The following SOX6 variants were observed in gnomAD, a reference collection of about 807,000 sequenced individuals.
SOX6 encodes the protein SRY-box transcription factor 6.
SOX6 carries 11 observed loss-of-function variants against 97.8 expected under a neutral mutation model. That is an observed-to-expected ratio of 0.11 (90% CI 0.07 to 0.19). SOX6 has a LOEUF of 0.19. SOX6 is among the 10% of genes least tolerant of loss of function. The pLI is 1.00. For missense variants in SOX6, 810 were observed against 1,039.5 expected, an observed-to-expected ratio of 0.78 and a Z score of 3.04; for synonymous variants, 360 against 371.4, an observed-to-expected ratio of 0.97 and a Z score of 0.35.
rs565314676 is a variant in SOX6 at position 16,377,031 on chromosome 11, A to T, written c.-4-35779T>A. 3.1e-4 allele frequency among the ~76,000 whole-genome samples: 45 copies of T among 144,322 alleles called. No individual in the cohort carries two copies. In the South Asian group the frequency reaches 6.0e-3, roughly 19 times the overall value. The allele number at this position is 144,322 out of a possible 152,430, so 94.7% of individuals were successfully genotyped here. A position where few individuals can be genotyped will look rare whatever the true frequency, so the allele number is the denominator to read the frequency against. On this transcript the variant is annotated intron_variant, in intron 1 of 15. Coordinates refer to the SOX6 transcript ENST00000396356. Reference sequence around the variant, plus strand: ...AACCTACAAAGGAATTCTTTTATTTAAAAAAAAAAAGTCAAGTTGTTAGTT... The same window carrying T: ...AACCTACAAAGGAATTCTTTTATTTTAAAAAAAAAAGTCAAGTTGTTAGTT...
At chr11:16,555,899 T>A (rs893916474) in intron 4 of SOX6, among the ~76,000 whole-genome samples, 1 of 151,744 alleles carries the variant, frequency 6.6e-6, no homozygotes, top group Non-Finnish European at 1.5e-5. Flanking sequence ...TCTTTTCATA[T>A]AAATATTTCT....
intron 3 of SOX6, among the ~76,000 whole-genome samples, chr11:16,310,338 C>T (rs1326804466): frequency 6.6e-6 from 1 of 152,020 alleles, no homozygotes; most frequent in African/African-American, 2.4e-5. Context: ...TGCAAATATA[C>T]TTAACACGAA....
At chr11:16,603,521 T>C (rs1848295720) in intron 4 of SOX6, among the ~76,000 whole-genome samples, 2 of 151,854 alleles carry the variant, frequency 1.3e-5, no homozygotes, top group Non-Finnish European at 2.9e-5. Context: ...TGAGAGACCT[T>C]TGGGAGTGGG....
At chr11:16,663,243 G>A (rs982888582) in intron 3 of SOX6, among the ~76,000 whole-genome samples, 35 of 151,814 alleles carry the variant, frequency 2.3e-4, no homozygotes, top group Admixed American at 1.9e-3. Context: ...ATTACAATAT[G>A]GCAAGAATAG....
chr11:16,411,340 A>C (rs1858814401), intron 1 of SOX6, among the ~76,000 whole-genome samples: 1 of 152,150 alleles, frequency 6.6e-6, no homozygotes, highest in Non-Finnish European at 1.5e-5. Flanking sequence ...TTAGCACCCC[A>C]ATCTTTTCCT....
At chr11:16,240,275 A>AGTGTGT (rs4031660) in intron 3 of SOX6, among the ~76,000 whole-genome samples, 25,480 of 128,910 alleles carry the variant, frequency 0.2, 2,723 homozygotes, top group Non-Finnish European at 0.21. Context: ...TAGATAATAT[A>AGTGTGT]GTGTGTGTGT....
intron 2 of SOX6, among the ~76,000 whole-genome samples, chr11:16,319,521 A>C (rs1855850125): frequency 2.7e-5 from 3 of 112,854 alleles, no homozygotes; most frequent in South Asian, 3.5e-4. Flanking sequence ...CCCACCCCAC[A>C]ACAGGCCCTG....
At chr11:16,485,546 A>T (rs560865910) in intron 4 of SOX6, among the ~76,000 whole-genome samples, 47 of 152,142 alleles carry the variant, frequency 3.1e-4, no homozygotes, top group Non-Finnish European at 5.7e-4. Context: ...CCTGGTCAAC[A>T]TGGTGAAACC....
At chr11:16,136,276 C>G (rs1377250043) in intron 6 of SOX6, among the ~76,000 whole-genome samples, 1 of 151,850 alleles carries the variant, frequency 6.6e-6, no homozygotes, top group Non-Finnish European at 1.5e-5. Context: ...CCTCGGCCTC[C>G]CAAGATCATT....
intron 4 of SOX6, among the ~76,000 whole-genome samples, chr11:16,224,144 A>C (rs968176274): frequency 6.6e-6 from 1 of 152,058 alleles, no homozygotes; most frequent in Admixed American, 6.6e-5. Flanking sequence ...TTATAATTGA[A>C]ATTTTTGAAA....
intron 3 of SOX6, among the ~76,000 whole-genome samples, chr11:16,674,527 G>A (rs553996066): frequency 2.6e-5 from 4 of 152,290 alleles, no homozygotes; most frequent in East Asian, 1.9e-4. Flanking sequence ...GTAATTCAAC[G>A]TAGTACTGAA....
intron 4 of SOX6, among the ~76,000 whole-genome samples, chr11:16,488,929 T>C (rs1438311381): frequency 6.6e-6 from 1 of 152,126 alleles, no homozygotes; most frequent in Non-Finnish European, 1.5e-5. Context: ...GAAACAGACA[T>C]ACAACTCACT....
chr11:16,168,804 G>C (rs1369276683), intron 6 of SOX6, among the ~76,000 whole-genome samples: 2 of 152,002 alleles, frequency 1.3e-5, no homozygotes, highest in Non-Finnish European at 2.9e-5. Context: ...TGGTTTTTTT[G>C]CTACAACTGC....
rs182461290 is a variant in SOX6, at chr11:16,333,563, T to C, written c.237+7449A>G. Among the ~76,000 whole-genome samples, 307 of 152,164 alleles carry C rather than the reference T, an allele frequency of 2.0e-3. 1 individual carries two copies. Among genetic ancestry groups the C allele is most frequent in the African/African-American group, 7.2e-3 (297 of 41,516 alleles). ...ATTAGTGTCCCAAGATTAGCTTCCATTGATTAACCCTGACCAACTTTAATA... is the reference window on the plus strand; with the variant it reads ...ATTAGTGTCCCAAGATTAGCTTCCACTGATTAACCCTGACCAACTTTAATA... On this transcript the variant is annotated intron_variant, in intron 2 of 15. Transcript: ENST00000683767.
chr11:16,147,145 C>T (rs1850327917), intron 6 of SOX6, among the ~76,000 whole-genome samples: 1 of 152,062 alleles, frequency 6.6e-6, no homozygotes, highest in Admixed American at 6.5e-5. Context: ...AAATGTGGCA[C>T]ATATACAGCA....
intron 1 of SOX6, among the ~76,000 whole-genome samples, chr11:16,425,340 G>T (rs1384870296): frequency 6.6e-6 from 1 of 152,188 alleles, no homozygotes; most frequent in Non-Finnish European, 1.5e-5. Flanking sequence ...AATATTTAGT[G>T]AACATCTAAC....
intron 4 of SOX6, among the ~76,000 whole-genome samples, chr11:16,564,451 C>A (rs2133194146): frequency 6.6e-6 from 1 of 152,228 alleles, no homozygotes; most frequent in Admixed American, 6.5e-5. Flanking sequence ...AAGAATTAAA[C>A]AATCTGATCA....
intron 3 of SOX6, among the ~76,000 whole-genome samples, chr11:16,304,692 T>A (rs1000313933): frequency 2.6e-5 from 4 of 152,226 alleles, no homozygotes; most frequent in Non-Finnish European, 5.9e-5. Flanking sequence ...TTATATCCTG[T>A]GACCTTGTTG....
chr11:16,546,925 T>C (rs190295416), intron 4 of SOX6, among the ~76,000 whole-genome samples: 73 of 151,830 alleles, frequency 4.8e-4, no homozygotes, highest in Non-Finnish European at 8.5e-4. Flanking sequence ...AAAATAATAA[T>C]CCCATTCAGA....
Sources: gnomAD v4.1 joint callset for allele counts (sites outside exome capture counted in the v4.1 genomes callset) on GRCh38, gnomAD v4.1.1 for gene constraint, MANE v1.5 for transcripts, NCBI Gene and HGNC (gene_info 2026-07-23, HGNC 2026-07-21) for gene names.